The following PCDH11Y variants were observed in gnomAD, a reference collection of about 807,000 sequenced individuals.
PCDH11Y encodes the protein protocadherin-11 Y-linked.
For synonymous variants in PCDH11Y, 9 were observed against 83.6 expected (o/e 0.11, Z 4.87); for missense variants, 12 against 224.8 (o/e 0.05, Z 6.05).
chrY:5,420,775 GA>G (rs2053256843), intron 2 of PCDH11Y, among the ~76,000 whole-genome samples: 9 of 27,615 alleles, frequency 3.3e-4, no homozygotes, highest in South Asian at 3.1e-3. Flanking sequence ...AATTTATGAA[GA>G]AAAAAAAGAC....
intron 4 of PCDH11Y, among the ~76,000 whole-genome samples, chrY:5,603,903 G>GA (rs2053475970): frequency 4.0e-5 from 1 of 25,155 alleles, no homozygotes; most frequent in Non-Finnish European, 9.4e-5. Flanking sequence ...AAGAAAGAAA[G>GA]AAAGAAAGAA....
intron 3 of PCDH11Y, among the ~76,000 whole-genome samples, chrY:5,528,458 T>C: frequency 3.0e-5 from 1 of 33,268 alleles, no homozygotes; most frequent in African/African-American, 1.2e-4. Flanking sequence ...TGGTTAACCA[T>C]ATATGGGTGA....
At chrY:5,186,182 T>C in intron 2 of PCDH11Y, among the ~76,000 whole-genome samples, 1 of 33,319 alleles carries the variant, frequency 3.0e-5, no homozygotes, top group Non-Finnish European at 7.4e-5. Flanking sequence ...TATTGGAAGA[T>C]GACATAATCT....
intron 2 of PCDH11Y, among the ~76,000 whole-genome samples, chrY:5,118,339 C>G: frequency 3.1e-5 from 1 of 32,443 alleles, no homozygotes; most frequent in East Asian, 8.3e-4. Context: ...GGTGATTCTC[C>G]CACTTCAGAC....
At chrY:5,539,889 G>A in intron 3 of PCDH11Y, among the ~76,000 whole-genome samples, 1 of 32,357 alleles carries the variant, frequency 3.1e-5, no homozygotes, top group Non-Finnish European at 7.6e-5. Flanking sequence ...AGCGACCTTG[G>A]AGTTGATTTT....
At chrY:5,701,641 T>C in intron 4 of PCDH11Y, among the ~76,000 whole-genome samples, 1 of 33,196 alleles carries the variant, frequency 3.0e-5, no homozygotes, top group African/African-American at 1.2e-4. Context: ...GGGTCCTCAT[T>C]GAGAACTTCT....
rs756307805 is a variant in PCDH11Y at position 5,351,295 on chromosome Y, AGT to A, written c.3130-149725_3130-149724del. On this transcript the variant is annotated intron_variant, in intron 2 of 4. Transcript: ENST00000400457. ...TTTACCAGATTGAAGATATGTGGGG[AGT>A]GTGTGTGTGTGTGTGTGTGTGTGTG... 0.048 allele frequency among the ~76,000 whole-genome samples: 1,051 copies of A among 21,737 alleles called. No individual in the cohort carries two copies. The East Asian group carries it at 0.67, about 14-fold the overall frequency. 58.3% of individuals were successfully genotyped at this position (21,737 alleles called of 37,273 possible).
intron 1 of PCDH11Y, among the ~76,000 whole-genome samples, chrY:5,029,232 G>GA: frequency 3.2e-5 from 1 of 31,677 alleles, no homozygotes; most frequent in East Asian, 8.3e-4. Flanking sequence ...ACATTAATGG[G>GA]AAAAAACACT....
chrY:5,600,570 A>G (rs2053471915), intron 4 of PCDH11Y, among the ~76,000 whole-genome samples: 1 of 32,249 alleles, frequency 3.1e-5, no homozygotes, highest in African/African-American at 1.2e-4. Context: ...AAATTTCTTC[A>G]GATTCTAAAA....
At chrY:5,349,924 A>G in intron 2 of PCDH11Y, among the ~76,000 whole-genome samples, 1 of 34,135 alleles carries the variant, frequency 2.9e-5, no homozygotes, top group Non-Finnish European at 7.3e-5. Flanking sequence ...TGCCGCAGGC[A>G]TAGTCTTCCA....
At chrY:5,189,572 C>T in intron 2 of PCDH11Y, among the ~76,000 whole-genome samples, 1 of 33,793 alleles carries the variant, frequency 3.0e-5, no homozygotes, top group Non-Finnish European at 7.3e-5. Context: ...AAACTGCTAG[C>T]GTTTAGTTTA....
chrY:5,245,434 C>T, intron 2 of PCDH11Y, among the ~76,000 whole-genome samples: 1 of 32,353 alleles, frequency 3.1e-5, no homozygotes, highest in Non-Finnish European at 7.5e-5. Flanking sequence ...CCAGCCTCCT[C>T]GAGTGACATC....
intron 2 of PCDH11Y, among the ~76,000 whole-genome samples, chrY:5,213,003 T>C: frequency 7.6e-5 from 2 of 26,425 alleles, no homozygotes; most frequent in Admixed American, 4.0e-4. Context: ...AATCTTTTTT[T>C]CCCCCAAACA....
chrY:5,685,803 C>T, intron 4 of PCDH11Y, among the ~76,000 whole-genome samples: 1 of 31,212 alleles, frequency 3.2e-5, no homozygotes, highest in Admixed American at 3.0e-4. Flanking sequence ...TATGATGAAA[C>T]TAATGCTTAA....
chrY:5,227,051 C>T (rs2052961608), intron 2 of PCDH11Y, among the ~76,000 whole-genome samples: 1 of 31,553 alleles, frequency 3.2e-5, no homozygotes, highest in Non-Finnish European at 7.7e-5. Flanking sequence ...ATTTTAACAA[C>T]ATTCATTCTT....
chrY:5,046,496 G>A, intron 3 of PCDH11Y, among the ~76,000 whole-genome samples: 1 of 33,909 alleles, frequency 2.9e-5, no homozygotes, highest in Non-Finnish European at 7.4e-5. Context: ...CATACTGGGA[G>A]AACCACTGCT....
At chrY:5,057,615 G>A in intron 1 of PCDH11Y, among the ~76,000 whole-genome samples, 156 bp downstream of exon 2, 1 of 32,676 alleles carries the variant, frequency 3.1e-5, no homozygotes, top group African/African-American at 1.2e-4. Flanking sequence ...CATCAATGCA[G>A]TTTTTGCAAT....
chrY:5,127,799 C>G (rs2052827306), intron 2 of PCDH11Y, among the ~76,000 whole-genome samples: 1 of 32,948 alleles, frequency 3.0e-5, no homozygotes, highest in Non-Finnish European at 7.5e-5. Flanking sequence ...TCTGTGTCAA[C>G]TCTACACTTT....
intron 4 of PCDH11Y, among the ~76,000 whole-genome samples, chrY:5,653,274 A>G (rs2053533004): frequency 3.2e-5 from 1 of 31,304 alleles, no homozygotes; most frequent in Admixed American, 3.0e-4. Context: ...ACGAGTTGAC[A>G]GAAGTAGGCT....
Sources: gnomAD v4.1 joint callset for allele counts (sites outside exome capture counted in the v4.1 genomes callset) on GRCh38, gnomAD v4.1.1 for gene constraint, MANE v1.5 for transcripts, NCBI Gene and HGNC (gene_info 2026-07-23, HGNC 2026-07-21) for gene names.